Variants in TTC39B observed in about 807,000 individuals in gnomAD.
The protein encoded by TTC39B is tetratricopeptide repeat protein 39B.
A neutral mutation model predicts 96.6 loss-of-function variants in TTC39B; 92 were observed. That is an observed-to-expected ratio of 0.95 (90% CI 0.80 to 1.13). The LOEUF is 1.13. TTC39B is among the 50% of genes most tolerant of loss of function. TTC39B has a pLI of 0.00. For synonymous variants in TTC39B, 367 were observed against 299.4 expected, an observed-to-expected ratio of 1.23 and a Z score of -2.33; for missense variants, 955 against 809.3, an observed-to-expected ratio of 1.18 and a Z score of -2.18.
At chr9:15,189,365 C>G (rs1818718704) in intron 13 of TTC39B, among the ~76,000 whole-genome samples, 2 of 152,108 alleles carry the variant, frequency 1.3e-5, no homozygotes, top group South Asian at 4.2e-4. Flanking sequence ...TAAATGTAGA[C>G]TATATTCAGT....
intron 18 of TTC39B, among the ~76,000 whole-genome samples, chr9:15,177,460 TAC>T (rs1818002367): frequency 2.6e-5 from 4 of 152,220 alleles, no homozygotes; most frequent in Admixed American, 2.6e-4. Flanking sequence ...GAGCTATAAA[TAC>T]AGTTTTTGTA....
rs537858853 is a variant in TTC39B at position 15,215,851 on chromosome 9, G to A, written c.372-1602C>T. ...TGCACTCCAGCCTGGGCAACAGAAC[G>A]AGACGCTATCTCAAAAACTAAATAA... On this transcript the variant is annotated intron_variant, in intron 3 of 19. Coordinates refer to ENST00000512701, the Ensembl canonical transcript of TTC39B. Among the ~76,000 whole-genome samples, 10 of 152,194 alleles carry A rather than the reference G, an allele frequency of 6.6e-5. No individual in the cohort carries two copies. In the East Asian group the frequency reaches 1.5e-3, roughly 23 times the overall value.
At chr9:15,211,395 G>C (rs1364552047) in exon 5 of TTC39B, 5 of 1,505,826 alleles carry the variant, frequency 3.3e-6, no homozygotes, top group Non-Finnish European at 3.5e-6. Flanking sequence ...ACTCTCCTTA[G>C]CCCTGGGAAG....
At chr9:15,199,692 G>A (rs976046194) in intron 8 of TTC39B, among the ~76,000 whole-genome samples, 169 bp downstream of exon 8, 9 of 114,652 alleles carry the variant, frequency 7.8e-5, no homozygotes, top group South Asian at 3.1e-4. Context: ...CCGAGATTGC[G>A]CCACTGCACT....
chr9:15,178,127 C>G (rs1818056226), intron 17 of TTC39B, among the ~76,000 whole-genome samples: 1 of 152,046 alleles, frequency 6.6e-6, no homozygotes, highest in Admixed American at 6.5e-5. Context: ...CCTCGGCCTC[C>G]CAGAGTGCTG....
intron 6 of TTC39B, among the ~76,000 whole-genome samples, chr9:15,206,846 G>A (rs556804366): frequency 5.7e-4 from 86 of 152,196 alleles, no homozygotes; most frequent in African/African-American, 2.0e-3. Flanking sequence ...GATATGGTTA[G>A]GCTTTGTGTC....
At chr9:15,223,305 G>C (rs778345394) in intron 3 of TTC39B, among the ~76,000 whole-genome samples, 1 of 152,222 alleles carries the variant, frequency 6.6e-6, no homozygotes, top group Non-Finnish European at 1.5e-5. Context: ...TTACAAGTAA[G>C]GAGGCAAATG....
intron 6 of TTC39B, among the ~76,000 whole-genome samples, chr9:15,206,413 C>T (rs890125501): frequency 1.5e-4 from 23 of 152,322 alleles, no homozygotes; most frequent in African/African-American, 4.6e-4. Context: ...CTCCCTTGAA[C>T]ACAAAGTCTG....
At chr9:15,285,192 C>A (rs1240966627) in intron 1 of TTC39B, among the ~76,000 whole-genome samples, 1 of 151,720 alleles carries the variant, frequency 6.6e-6, no homozygotes. Flanking sequence ...TGGCGTGAAC[C>A]CGGGAGGCGG....
chr9:15,237,175 C>T (rs1024002240), intron 2 of TTC39B, among the ~76,000 whole-genome samples: 19 of 152,120 alleles, frequency 1.2e-4, no homozygotes, highest in African/African-American at 4.6e-4. Flanking sequence ...ATTAGCAGGG[C>T]ATAGTGGTGC....
intron 2 of TTC39B, among the ~76,000 whole-genome samples, chr9:15,234,554 C>A (rs1821674037): frequency 6.6e-6 from 1 of 152,056 alleles, no homozygotes; most frequent in Admixed American, 6.5e-5. Flanking sequence ...TGAGAACGGG[C>A]CATGATGACA....
intron 13 of TTC39B, among the ~76,000 whole-genome samples, chr9:15,188,926 T>C (rs1323446528): frequency 6.6e-6 from 1 of 152,238 alleles, no homozygotes; most frequent in Non-Finnish European, 1.5e-5. Flanking sequence ...GCCAAATGTC[T>C]ATGGACCACT....
intron 3 of TTC39B, 95 bp from the exon 4 acceptor site, chr9:15,214,344 GTGTC>G (rs60076354): frequency 0.014 from 10,320 of 728,118 alleles, 269 homozygotes; most frequent in African/African-American, 0.11. Flanking sequence ...GTGTGTGTGT[GTGTC>G]TGTGTGTGTG....
rs185650628 is a variant in TTC39B, at chr9:15,262,264, A to G, written c.275+5650T>C. Among the ~76,000 whole-genome samples the G allele has an allele frequency of 3.3e-3, 509 of 152,170 alleles. 2 individuals are homozygous for G. The highest frequency in any genetic ancestry group is 5.6e-3 in the Non-Finnish European group (380 of 67,980). On this transcript the variant is annotated intron_variant, in intron 2 of 19. Transcript: ENST00000512701. ...CAGGCATGCGCCACAAAGCCCAGCT[A>G]ATTTTTGTATTTTTAGTACAGATGG...
chr9:15,300,747 G>A (rs943764412), intron 1 of TTC39B, among the ~76,000 whole-genome samples: 8 of 151,980 alleles, frequency 5.3e-5, no homozygotes, highest in East Asian at 1.9e-4. Context: ...TTAGCTGGGC[G>A]TGGTAGCAGG....
In TTC39B at chr9:15,191,269, AT is replaced by A; in HGVS notation, c.931-15del. The stretch of plus-strand genomic sequence containing the variant: ...AAGGGACAGCATCTGTAAGAAAAAA[AT>A]ATACAGTGTACTTATGTGTTAGTGT... On this transcript the variant is annotated splice_polypyrimidine_tract_variant and intron_variant, in intron 9 of 19. Coordinates refer to ENST00000512701, the Ensembl canonical transcript of TTC39B. The A allele has an allele frequency of 6.3e-7, 1 of 1,584,172 alleles. No individual in the cohort carries two copies. Among genetic ancestry groups the A allele is most frequent in the Non-Finnish European group, 8.6e-7 (1 of 1,156,106 alleles).
chr9:15,184,960 T>G (rs1464464502), intron 16 of TTC39B, among the ~76,000 whole-genome samples: 2 of 152,192 alleles, frequency 1.3e-5, no homozygotes, highest in Non-Finnish European at 2.9e-5. Flanking sequence ...CAACTCAACT[T>G]CAATGGAATC....
intron 2 of TTC39B, among the ~76,000 whole-genome samples, chr9:15,256,673 G>A (rs968463172): frequency 1.6e-4 from 24 of 152,190 alleles, no homozygotes; most frequent in Admixed American, 1.6e-3. Flanking sequence ...GAGTCACTGA[G>A]AAAGTGGGAG....
intron 1 of TTC39B, among the ~76,000 whole-genome samples, chr9:15,296,072 A>G (rs1326327481): frequency 6.6e-6 from 1 of 152,202 alleles, no homozygotes; most frequent in Admixed American, 6.5e-5. Context: ...GAGTGTAAGG[A>G]CTGTGACTCA....
Sources: gnomAD v4.1 joint callset for allele counts (sites outside exome capture counted in the v4.1 genomes callset) on GRCh38, gnomAD v4.1.1 for gene constraint, MANE v1.5 for transcripts, NCBI Gene and HGNC (gene_info 2026-07-23, HGNC 2026-07-21) for gene names.